The following GLB1 variants were observed in gnomAD, a reference collection of about 807,000 sequenced individuals.
The protein encoded by GLB1 is beta-galactosidase.
A neutral mutation model predicts 74.0 loss-of-function variants in GLB1; 56 were observed. That is an observed-to-expected ratio of 0.76 (90% CI 0.61 to 0.94). GLB1 has a LOEUF of 0.94. GLB1 is among the 40% of genes least tolerant of loss of function. GLB1 has a pLI of 0.00. For synonymous variants in GLB1, 323 were observed against 323.6 expected, an observed-to-expected ratio of 1.00 and a Z score of 0.02; for missense variants, 787 against 845.5, an observed-to-expected ratio of 0.93 and a Z score of 0.86.
rs1480860648 is a variant in GLB1 at position 33,097,117 on chromosome 3, C to A, written c.-32G>T. ...CAGCCTCCCGGCTCTGCAGTCGGCG[C>A]CCAGGCCGGCCGCTTCGCGTCACTT... On this transcript the variant is annotated 5_prime_UTR_variant, in exon 1 of 16. Transcript: ENST00000307363. 1.2e-6 allele frequency: 2 copies of A among 1,609,026 alleles called. No individual in the cohort carries two copies.
At chr3:32,976,702 C>A in the GLB1 span, among the ~76,000 whole-genome samples, 1 of 152,096 alleles carries the variant, frequency 6.6e-6, no homozygotes, top group Non-Finnish European at 1.5e-5. Context: ...TCTTAGGGCC[C>A]CTTCCTCAGA....
chr3:33,036,144 G>C (rs1369932370), intron 10 of GLB1, among the ~76,000 whole-genome samples: 4 of 152,172 alleles, frequency 2.6e-5, no homozygotes, highest in African/African-American at 9.7e-5. Context: ...GCCTGGCTCT[G>C]GTTCCAGAGT....
At chr3:33,055,965 C>T (rs570160619) in intron 6 of GLB1, among the ~76,000 whole-genome samples, 2 of 151,702 alleles carry the variant, frequency 1.3e-5, no homozygotes, top group Non-Finnish European at 2.9e-5. Context: ...CGGTGGCTCA[C>T]GCCTGTAATC....
chr3:32,992,614 CTGATGGAAAG>C (rs1384601906), downstream of GLB1, among the ~76,000 whole-genome samples: 2 of 152,172 alleles, frequency 1.3e-5, no homozygotes, highest in African/African-American at 4.8e-5. Flanking sequence ...CGAGACCATG[CTGATGGAAAG>C]TGATGGAGCA....
At position 33,018,556 on chromosome 3, in the gene GLB1, A is replaced by G; in HGVS notation, c.1239T>C (p.Tyr413=). ...GTGTTGTCCGGTACAGCACAAACCC[A>G]TAATGCTGGTTAGAAAAGGATTTAA... ...PLTFIQVKQH[Y]GFVLYRTTLP... Residue 413 remains tyrosine (Y), a synonymous_variant, in exon 13 of 16, where the codon TAT becomes TAC. Coordinates refer to ENST00000307363, the MANE Select transcript of GLB1 (RefSeq NM_000404.4). 1 of 1,614,162 alleles carries G rather than the reference A, an allele frequency of 6.2e-7. No individual in the cohort carries two copies. Among genetic ancestry groups the G allele is most frequent in the East Asian group, 2.2e-5 (1 of 44,880 alleles).
rs141665753 is a variant in GLB1, at chr3:33,048,209, G to A, written c.956-1977C>T. 1.4e-3 allele frequency among the ~76,000 whole-genome samples: 218 copies of A among 152,278 alleles called. 1 individual carries two copies. The East Asian group carries it at 0.025, about 18-fold the overall frequency. On this transcript the variant is annotated intron_variant, in intron 9 of 15. Coordinates refer to ENST00000307363, the MANE Select transcript of GLB1 (RefSeq NM_000404.4). Reference sequence around the variant, plus strand: ...CCTCTAGAAGCACACTTTACAGGCCGAGGGAGCCCAGGCTGGGAAGCTGTC... The same window carrying A: ...CCTCTAGAAGCACACTTTACAGGCCAAGGGAGCCCAGGCTGGGAAGCTGTC...
chr3:32,998,874 T>C (rs1696429540), intron 15 of GLB1, among the ~76,000 whole-genome samples: 2 of 152,180 alleles, frequency 1.3e-5, no homozygotes, highest in Admixed American at 6.5e-5. Context: ...CGTTTGGGTA[T>C]TTTTCAGCCT....
rs941947145 is a variant in GLB1, at chr3:33,054,446, T to C, written c.734-897A>G. Among the ~76,000 whole-genome samples, 60 of 152,170 alleles carry C rather than the reference T, an allele frequency of 3.9e-4. 1 individual carries two copies. Among genetic ancestry groups the C allele is most frequent in the Admixed American group, 1.3e-4 (2 of 15,272 alleles). ...TCCCTTCACAGGCCTGTCTTCTTTA[T>C]CTGTGTTTCCCCAGGGCCTGGACAC... On this transcript the variant is annotated intron_variant, in intron 6 of 15. Transcript: ENST00000307363.
chr3:33,074,481 G>A (rs1266055361), intron 1 of GLB1, among the ~76,000 whole-genome samples: 8 of 151,880 alleles, frequency 5.3e-5, no homozygotes, highest in Non-Finnish European at 1.0e-4. Flanking sequence ...GTATATGTAC[G>A]CATGTATATT....
downstream of GLB1, among the ~76,000 whole-genome samples, chr3:32,994,647 G>A (rs964614807): frequency 6.6e-6 from 1 of 152,100 alleles, no homozygotes; most frequent in Non-Finnish European, 1.5e-5. Flanking sequence ...CTGGCCAGGC[G>A]CAGTGGCTCA....
At chr3:32,979,035 G>A in the GLB1 span, among the ~76,000 whole-genome samples, 1 of 150,122 alleles carries the variant, frequency 6.7e-6, no homozygotes, top group African/African-American at 2.5e-5. Flanking sequence ...GGAGGGCAAT[G>A]GCGCAATCTC....
chr3:33,014,177 G>A lies in GLB1; in HGVS notation c.1613C>T (p.Ala538Val). The A allele has an allele frequency of 1.2e-6, 2 of 1,614,138 alleles. No homozygotes were observed. Among genetic ancestry groups the A allele is most frequent in the Non-Finnish European group, 1.7e-6 (2 of 1,180,008 alleles). The change falls in exon 15 of 16, where the codon GCC (alanine) becomes GTC (valine). Residue 538 changes from alanine to valine, a missense_variant. By Grantham distance (64) the Ala-to-Val change is moderately conservative (BLOSUM62 0). Coordinates refer to ENST00000307363, the MANE Select transcript of GLB1 (RefSeq NM_000404.4). Reference sequence around the variant, plus strand: ...GTAGTTGGATGAGTTGTGGGCCCAGGCTTCATCATGGTGGCCACTGTCACG... The same window carrying A: ...GTAGTTGGATGAGTTGTGGGCCCAGACTTCATCATGGTGGCCACTGTCACG... ...GHRDSGHHDE[A>V]WAHNSSNYTL...
intron 2 of GLB1, among the ~76,000 whole-genome samples, chr3:33,069,500 C>T (rs942558607): frequency 1.3e-5 from 2 of 152,154 alleles, no homozygotes. Flanking sequence ...CCCACTGAGG[C>T]TTCCTTCATT....
intron 2 of GLB1, among the ~76,000 whole-genome samples, chr3:33,070,163 C>T (rs925878544): frequency 5.3e-5 from 8 of 152,140 alleles, no homozygotes; most frequent in African/African-American, 1.7e-4. Context: ...TTGTAGTATT[C>T]CATGGTGTAT....
the GLB1 span, among the ~76,000 whole-genome samples, chr3:32,975,502 G>C: frequency 6.6e-6 from 1 of 152,142 alleles, no homozygotes; most frequent in African/African-American, 2.4e-5. Context: ...TGCACAAGCA[G>C]ATATAGGTTT....
At chr3:32,969,987 G>A in the GLB1 span, among the ~76,000 whole-genome samples, 1 of 152,180 alleles carries the variant, frequency 6.6e-6, no homozygotes, top group Non-Finnish European at 1.5e-5. Flanking sequence ...ATCAGTACAT[G>A]TTGGTGTTCA....
At chr3:33,051,615 A>G (rs200723193) in intron 9 of GLB1, 143 bp downstream of exon 9, 3 of 1,176,704 alleles carry the variant, frequency 2.5e-6, no homozygotes, top group South Asian at 1.6e-5. Flanking sequence ...AAAAAAAAAA[A>G]AAAAGAAAAA....
chr3:33,011,968 C>T (rs978849027), intron 15 of GLB1, among the ~76,000 whole-genome samples: 2 of 152,204 alleles, frequency 1.3e-5, no homozygotes, highest in African/African-American at 4.8e-5. Context: ...TCTAAAACCA[C>T]CGAAGTGCTT....
intron 9 of GLB1, among the ~76,000 whole-genome samples, chr3:33,050,491 C>T (rs1698929535): frequency 6.6e-6 from 1 of 152,198 alleles, no homozygotes; most frequent in Admixed American, 6.5e-5. Flanking sequence ...CGTGCAACAA[C>T]GTGGATGAGC....
Sources: allele counts gnomAD v4.1 joint callset (sites outside exome capture counted in the v4.1 genomes callset), GRCh38; gene constraint gnomAD v4.1.1; transcripts MANE v1.5; gene names NCBI Gene and HGNC (gene_info 2026-07-23, HGNC 2026-07-21).